ADARB1: variants seen among roughly 807,000 people sequenced by gnomAD.
ADARB1 encodes the protein double-stranded RNA-specific editase 1.
In ADARB1, 10 loss-of-function variants were observed where a neutral mutation model predicts 52.4. The ratio of observed to expected loss-of-function variants is 0.19; its 90% confidence interval spans 0.12 to 0.32. The LOEUF (loss-of-function observed/expected upper bound fraction) is 0.32. Ranked by LOEUF, ADARB1 falls within the 10% of genes least tolerant of loss-of-function variation. The pLI is 1.00. For synonymous variants in ADARB1, 349 were observed against 371.1 expected, an observed-to-expected ratio of 0.94 and a Z score of 0.68; for missense variants, 643 against 922.3, an observed-to-expected ratio of 0.70 and a Z score of 3.92.
intron 2 of ADARB1, among the ~76,000 whole-genome samples, chr21:45,138,314 A>C (rs749788908): frequency 6.6e-6 from 1 of 152,202 alleles, no homozygotes; most frequent in Non-Finnish European, 1.5e-5. Flanking sequence ...TTCTGGGTGA[A>C]GGTCACAGCA....
intron 1 of ADARB1, among the ~76,000 whole-genome samples, chr21:45,109,647 T>C (rs2087445611): frequency 2.0e-5 from 3 of 152,338 alleles, no homozygotes; most frequent in African/African-American, 7.2e-5. Context: ...TAGAAGGCCC[T>C]CAAATACTTG....
rs2092981123 is a variant in ADARB1 at position 45,222,339 on chromosome 21, TC to T, written c.*146del. 1 of 1,393,066 alleles carries T rather than the reference TC, an allele frequency of 7.2e-7. No homozygotes were observed. The highest frequency in any genetic ancestry group is 1.5e-5 in the African/African-American group (1 of 67,790). The allele number at this position is 1,393,066 out of a possible 1,614,324, so 86.3% of individuals were successfully genotyped here. On this transcript the variant is annotated 3_prime_UTR_variant, in exon 11 of 11. Transcript: ENST00000348831. ...GGGGACCACCAGGTGTCCACGGTTGTCCCCAGCATCTCACATCAGACCTGGG... is the reference window on the plus strand; with the variant it reads ...GGGGACCACCAGGTGTCCACGGTTGTCCCAGCATCTCACATCAGACCTGGG...
At chr21:45,210,959 C>T (rs999504353) in intron 9 of ADARB1, among the ~76,000 whole-genome samples, 1 of 152,284 alleles carries the variant, frequency 6.6e-6, no homozygotes, top group Admixed American at 6.5e-5. Context: ...GACCACAGCT[C>T]TGAGGCTCCT....
At chr21:45,185,887 C>G (rs938762436) in intron 8 of ADARB1, among the ~76,000 whole-genome samples, 4 of 152,242 alleles carry the variant, frequency 2.6e-5, no homozygotes, top group Non-Finnish European at 4.4e-5. Context: ...AAAATTGATG[C>G]ATACGCATGT....
chr21:45,136,411 T>A (rs1380008727), intron 2 of ADARB1, among the ~76,000 whole-genome samples: 2 of 152,072 alleles, frequency 1.3e-5, no homozygotes, highest in Admixed American at 6.5e-5. Context: ...TACACCAGAT[T>A]TAGGGAAAAT....
At position 45,208,618 on chromosome 21, in the gene ADARB1, A is replaced by G. The variant is rs557451279; in HGVS notation, c.1747+3882A>G. On this transcript the variant is annotated intron_variant, in intron 9 of 10. Coordinates refer to ENST00000348831, the MANE Select transcript of ADARB1 (RefSeq NM_001112.4). The surrounding 1 kb of genome is among the most constrained non-coding windows in gnomAD (Gnocchi z 5.6). ...GAGAGTGTGGAAAGTGTGTGTGTGT[A>G]TGTGTGCGTGTGTGTGTGTGTGAGT... 2.8e-4 allele frequency among the ~76,000 whole-genome samples: 42 copies of G among 150,634 alleles called. No individual in the cohort carries two copies. Among genetic ancestry groups the G allele is most frequent in the African/African-American group, 9.8e-4 (40 of 40,932 alleles).
At chr21:45,082,437 C>T (rs1025574036) in intron 1 of ADARB1, among the ~76,000 whole-genome samples, 4 of 152,200 alleles carry the variant, frequency 2.6e-5, no homozygotes, top group South Asian at 2.1e-4. Flanking sequence ...TACCTTCCCA[C>T]GGCCTACAAA....
chr21:45,209,067 A>G (rs2092719587), intron 9 of ADARB1, among the ~76,000 whole-genome samples: 1 of 152,180 alleles, frequency 6.6e-6, no homozygotes, highest in Non-Finnish European at 1.5e-5. Context: ...TAAAACAAAT[A>G]TGTTTAAATC....
chr21:45,139,136 G>C (rs762808920), intron 2 of ADARB1, among the ~76,000 whole-genome samples: 17 of 152,100 alleles, frequency 1.1e-4, no homozygotes, highest in Non-Finnish European at 5.9e-5. Context: ...GCCCAGGCTG[G>C]TCTTGAACTC....
intron 9 of ADARB1, among the ~76,000 whole-genome samples, chr21:45,207,989 C>T (rs2092697326): frequency 6.6e-6 from 1 of 152,144 alleles, no homozygotes; most frequent in Non-Finnish European, 1.5e-5. Context: ...TTCTTGGTGC[C>T]AAGCTGTGAC....
chr21:45,077,523 C>G (rs570779176), intron 1 of ADARB1, among the ~76,000 whole-genome samples: 1 of 151,974 alleles, frequency 6.6e-6, no homozygotes, highest in Non-Finnish European at 1.5e-5. Flanking sequence ...AAAAATCAGC[C>G]GGGCATGGTG....
Position 45,225,127 on chromosome 21 carries a change from C to T in ADARB1, c.*2930C>T. 1 of 1,008,310 alleles carries T rather than the reference C, an allele frequency of 9.9e-7. No homozygotes were observed. Among genetic ancestry groups the T allele is most frequent in the Non-Finnish European group, 1.2e-6 (1 of 845,968 alleles). The allele number at this position is 1,008,310 out of a possible 1,614,324, so 62.5% of individuals were successfully genotyped here. ...ACCTGAAGTATTAATTCCACAAAGA[C>T]ACTGTCCCTCAGGACCACTCAGGTA... On this transcript the variant is annotated 3_prime_UTR_variant, in exon 11 of 11. Coordinates refer to ENST00000348831, the MANE Select transcript of ADARB1 (RefSeq NM_001112.4).
chr21:45,156,503 G>A (rs1334221180), intron 2 of ADARB1, among the ~76,000 whole-genome samples: 234 of 12,540 alleles, frequency 0.019, no homozygotes, highest in Middle Eastern at 0.042. Flanking sequence ...ATCCACCCAC[G>A]CACCCACCCA....
At chr21:45,123,465 G>C (rs573512805) in intron 1 of ADARB1, among the ~76,000 whole-genome samples, 79 of 152,240 alleles carry the variant, frequency 5.2e-4, no homozygotes, top group Admixed American at 2.6e-3. Context: ...CACCACTCCT[G>C]GCTAATTTTG....
At chr21:45,174,180 C>T (rs1012942761) in intron 3 of ADARB1, among the ~76,000 whole-genome samples, 10 of 152,142 alleles carry the variant, frequency 6.6e-5, no homozygotes, top group Admixed American at 2.6e-4. Context: ...ATGGGGCACT[C>T]GTAAATTGGT....
At chr21:45,202,942 A>T (rs8134183) in intron 8 of ADARB1, among the ~76,000 whole-genome samples, 44 of 141,964 alleles carry the variant, frequency 3.1e-4, no homozygotes, top group Middle Eastern at 0.01. Context: ...CGCGTGCCAC[A>T]CTGTGCTGAG....
chr21:45,082,553 C>T (rs1568990866), intron 1 of ADARB1, among the ~76,000 whole-genome samples: 1 of 152,210 alleles, frequency 6.6e-6, no homozygotes, highest in Non-Finnish European at 1.5e-5. Context: ...TTATTCCTCT[C>T]ATGACATTCT....
intron 2 of ADARB1, among the ~76,000 whole-genome samples, chr21:45,138,733 G>T (rs1167750108): frequency 6.6e-6 from 1 of 152,108 alleles, no homozygotes; most frequent in Non-Finnish European, 1.5e-5. Flanking sequence ...ACGAGCACTG[G>T]ATCAGCTTAC....
intron 2 of ADARB1, among the ~76,000 whole-genome samples, chr21:45,140,224 G>A (rs756527490): frequency 2.6e-5 from 4 of 152,062 alleles, no homozygotes; most frequent in Non-Finnish European, 4.4e-5. Context: ...CTTCTAAAGT[G>A]TGCACTCTAA....
Sources: allele counts gnomAD v4.1 joint callset (sites outside exome capture counted in the v4.1 genomes callset), GRCh38; gene constraint gnomAD v4.1.1; non-coding constraint Gnocchi (gnomAD v3.1); transcripts MANE v1.5; gene names NCBI Gene and HGNC (gene_info 2026-07-23, HGNC 2026-07-21).